TES: variants seen among roughly 807,000 people sequenced by gnomAD.
The protein encoded by TES is testin.
In TES, 41 loss-of-function variants were observed where a neutral mutation model predicts 48.2. The ratio of observed to expected loss-of-function variants is 0.85; its 90% CI spans 0.66 to 1.10. TES has a LOEUF of 1.10. TES is among the 50% of genes least tolerant of loss of function. TES has a pLI of 0.00. For synonymous variants in TES, 162 were observed against 174.9 expected (o/e 0.93, Z 0.58); for missense variants, 463 against 515.1 (o/e 0.90, Z 0.98).
At chr7:116,215,473 G>T (rs1799483320) in intron 1 of TES, among the ~76,000 whole-genome samples, 1 of 152,070 alleles carries the variant, frequency 6.6e-6, no homozygotes, top group African/African-American at 2.4e-5. Context: ...GACATTCTTT[G>T]GGCAGAGGCA....
intron 1 of TES, among the ~76,000 whole-genome samples, chr7:116,228,971 T>A (rs1416848855): frequency 7.0e-6 from 1 of 142,408 alleles, no homozygotes; most frequent in Non-Finnish European, 1.5e-5. Context: ...TTTTCAAAGT[T>A]CCCCGTTAGC....
At chr7:116,243,273 T>A (rs1016735901) in intron 2 of TES, among the ~76,000 whole-genome samples, 1 of 152,246 alleles carries the variant, frequency 6.6e-6, no homozygotes, top group Non-Finnish European at 1.5e-5. Context: ...ATCTTTAGAA[T>A]GTGTTTTACA....
At chr7:116,213,232 C>T (rs1799459132) in intron 1 of TES, among the ~76,000 whole-genome samples, 2 of 152,124 alleles carry the variant, frequency 1.3e-5, no homozygotes, top group South Asian at 4.1e-4. Flanking sequence ...TATTTTGGTA[C>T]CTAGTTTTCA....
intron 2 of TES, chr7:116,238,125 GATAAATACCCAGACCTCATTCTTC>G (rs1364901832): frequency 1.3e-5 from 2 of 152,130 alleles, no homozygotes; most frequent in African/African-American, 4.8e-5. Context: ...AAAGCCAGGA[GATAAATACCCAGACCTCATTCTTC>G]ATCACTCTGA....
At chr7:116,227,420 C>A (rs1799637757) in intron 1 of TES, among the ~76,000 whole-genome samples, 1 of 152,048 alleles carries the variant, frequency 6.6e-6, no homozygotes, top group African/African-American at 2.4e-5. Flanking sequence ...CCGTGTCTGG[C>A]CAACCTACAC....
intron 6 of TES, among the ~76,000 whole-genome samples, chr7:116,255,815 C>T (rs757175008): frequency 1.4e-4 from 21 of 152,106 alleles, no homozygotes; most frequent in South Asian, 4.1e-4. Context: ...CCTAATTACC[C>T]TGATTTGATC....
At chr7:116,212,747 A>T (rs1422235050) in intron 1 of TES, among the ~76,000 whole-genome samples, 1 of 152,208 alleles carries the variant, frequency 6.6e-6, no homozygotes, top group Non-Finnish European at 1.5e-5. Flanking sequence ...GATTATGATA[A>T]ATAATGCCCT....
chr7:116,249,092 A>C lies in TES; in HGVS notation c.186A>C (p.Lys62Asn). Residue 62 changes from lysine to asparagine, a missense_variant, in exon 3 of 7, where the codon AAA becomes AAC. Physicochemically the swap from Lys to Asn is moderately conservative, Grantham distance 94. Coordinates refer to ENST00000358204, the MANE Select transcript of TES (RefSeq NM_015641.4). ...TCTTGAGCAATGAAGAGGATCGAAA[A>C]GTGGGAAAACTTTTTGAAGACACCA... ...DVLLSNEEDR[K>N]VGKLFEDTKY... 6.2e-7 allele frequency: 1 copy of C among 1,614,078 alleles called. No individual in the cohort carries two copies. The highest frequency in any genetic ancestry group is 1.1e-5 in the South Asian group (1 of 91,074).
At chr7:116,211,077 G>T in intron 1 of TES, 1 of 213,856 alleles carries the variant, frequency 4.7e-6, no homozygotes, top group Non-Finnish European at 9.2e-6. Context: ...AGGAAAGGAC[G>T]AGCTTAGGGC....
At chr7:116,257,247 T>C (rs771365393) in intron 6 of TES, 47 bp from the exon 7 acceptor site, 6 of 1,513,790 alleles carry the variant, frequency 4.0e-6, no homozygotes, top group Non-Finnish European at 5.4e-6. Context: ...AATGTTACCA[T>C]TACAGCTTGA....
intron 1 of TES, among the ~76,000 whole-genome samples, chr7:116,212,925 C>A (rs1240076086): frequency 2.0e-5 from 3 of 152,154 alleles, no homozygotes; most frequent in African/African-American, 7.2e-5. Flanking sequence ...TATAACAAAT[C>A]CCTGTTTCAC....
At chr7:116,229,213 G>C (rs1343828293) in intron 1 of TES, among the ~76,000 whole-genome samples, 1 of 151,502 alleles carries the variant, frequency 6.6e-6, no homozygotes, top group African/African-American at 2.4e-5. Flanking sequence ...TCGCACCCTG[G>C]GCATCATTAA....
chr7:116,236,513 T>C (rs887898355), intron 2 of TES, among the ~76,000 whole-genome samples: 7 of 152,220 alleles, frequency 4.6e-5, no homozygotes, highest in African/African-American at 1.7e-4. Flanking sequence ...TCATTGTTTA[T>C]GCAGATATTC....
intron 1 of TES, chr7:116,210,944 A>G (rs1347557437): frequency 2.8e-6 from 1 of 363,470 alleles, no homozygotes; most frequent in Non-Finnish European, 4.9e-6. Flanking sequence ...CGGGAGCGAC[A>G]GAATTGGAAG....
chr7:116,228,998 C>CTA lies in TES; in HGVS notation c.28-5501_28-5500dup, dbSNP rs58514364. On this transcript the variant is annotated intron_variant, in intron 1 of 6. Coordinates refer to ENST00000358204, the MANE Select transcript of TES (RefSeq NM_015641.4). ...CCCGTTAGCTCTCTAGTATCTATAA[C>CTA]TATATATATATATATATATATATAT... Among the ~76,000 whole-genome samples, 152 of 110,132 alleles carry CTA rather than the reference C, an allele frequency of 1.4e-3. 1 individual carries two copies. The highest frequency in any genetic ancestry group is 4.5e-3 in the Middle Eastern group (1 of 224). The allele number at this position is 110,132 out of a possible 152,430, so 72.3% of individuals were successfully genotyped here.
intron 2 of TES, among the ~76,000 whole-genome samples, chr7:116,241,070 GA>G (rs1799841852): frequency 6.6e-6 from 1 of 152,146 alleles, no homozygotes; most frequent in Non-Finnish European, 1.5e-5. Flanking sequence ...GGCTGAAATT[GA>G]ATATGTGATA....
intron 6 of TES, among the ~76,000 whole-genome samples, chr7:116,255,880 A>T (rs1157790299): frequency 6.6e-6 from 1 of 152,232 alleles, no homozygotes; most frequent in Non-Finnish European, 1.5e-5. Flanking sequence ...ATAAATATGT[A>T]CAATTATGTG....
intron 2 of TES, among the ~76,000 whole-genome samples, chr7:116,240,254 A>G (rs1317142734): frequency 1.3e-5 from 2 of 152,200 alleles, no homozygotes; most frequent in Non-Finnish European, 2.9e-5. Flanking sequence ...TGCTGGCAGC[A>G]TGTCAAAGCA....
At chr7:116,253,513 G>A (rs1800049133) in intron 6 of TES, among the ~76,000 whole-genome samples, 1 of 151,968 alleles carries the variant, frequency 6.6e-6, no homozygotes, top group Admixed American at 6.6e-5. Flanking sequence ...CCACCATAAT[G>A]ATGGAAAATT....
Sources: allele counts gnomAD v4.1 joint callset (sites outside exome capture counted in the v4.1 genomes callset), GRCh38; gene constraint gnomAD v4.1.1; transcripts MANE v1.5; gene names NCBI Gene and HGNC (gene_info 2026-07-23, HGNC 2026-07-21).